The following ANO2 variants were observed in gnomAD, a reference collection of about 807,000 sequenced individuals.
ANO2 encodes anoctamin-2.
In ANO2, 101 loss-of-function variants were observed where a neutral mutation model predicts 124.2. The observed-to-expected ratio is 0.81, with a 90% confidence interval of 0.69 to 0.96. ANO2 has a LOEUF of 0.96. Ranked by LOEUF, ANO2 falls within the 40% of genes least tolerant of loss-of-function variation. The pLI, the probability that ANO2 is intolerant of heterozygous loss-of-function variation, is 0.00. For missense variants in ANO2, 1,293 were observed against 1,274.5 expected (o/e 1.01, Z -0.22); for synonymous variants, 486 against 482.5 (o/e 1.01, Z -0.09).
chr12:5,870,563 A>G (rs1451740148), intron 3 of ANO2: 1 of 152,230 alleles, frequency 6.6e-6, no homozygotes, highest in Non-Finnish European at 1.5e-5. Flanking sequence ...TCTACTGCAA[A>G]TGTACTTTGA....
intron 13 of ANO2, among the ~76,000 whole-genome samples, chr12:5,738,965 G>A (rs1950983638): frequency 6.6e-6 from 1 of 152,152 alleles, no homozygotes; most frequent in Non-Finnish European, 1.5e-5. Context: ...GGCCCCCAGG[G>A]CATTCTGACA....
intron 3 of ANO2, among the ~76,000 whole-genome samples, chr12:5,860,993 T>C (rs530564454): frequency 1.3e-5 from 2 of 152,320 alleles, no homozygotes; most frequent in East Asian, 1.9e-4. Context: ...ACTGCCATGA[T>C]GCTAGTCAAC....
At chr12:5,826,212 C>A (rs1003688129) in intron 7 of ANO2, among the ~76,000 whole-genome samples, 3 of 151,964 alleles carry the variant, frequency 2.0e-5, no homozygotes, top group Non-Finnish European at 4.4e-5. Flanking sequence ...AGTTGTATTA[C>A]GTTAGGTGTA....
intron 13 of ANO2, among the ~76,000 whole-genome samples, chr12:5,736,173 GGGGGGTGGGCCGTT>G (rs1195011729): frequency 2.6e-5 from 4 of 152,354 alleles, no homozygotes; most frequent in Non-Finnish European, 5.9e-5. Context: ...CACTGGCCCA[GGGGGGTGGGCCGTT>G]GGGCTTGGTT....
intron 3 of ANO2, among the ~76,000 whole-genome samples, chr12:5,873,198 T>G (rs1366436959): frequency 4.0e-5 from 1 of 25,278 alleles, no homozygotes; most frequent in Admixed American, 3.3e-4. Flanking sequence ...CTAAAGCAGC[T>G]CTCTCTCTCT....
At chr12:5,815,137 T>C (rs1953563025) in intron 7 of ANO2, among the ~76,000 whole-genome samples, 1 of 152,218 alleles carries the variant, frequency 6.6e-6, no homozygotes, top group African/African-American at 2.4e-5. Context: ...AATGAGCAGC[T>C]AAAATAGATC....
chr12:5,705,820 C>T (rs1445908814), intron 14 of ANO2, among the ~76,000 whole-genome samples: 1 of 152,194 alleles, frequency 6.6e-6, no homozygotes, highest in Non-Finnish European at 1.5e-5. Flanking sequence ...TCTCCTCTAC[C>T]CAGCTTCAAA....
At chr12:5,663,476 A>G (rs1039782343) in intron 14 of ANO2, among the ~76,000 whole-genome samples, 6 of 152,172 alleles carry the variant, frequency 3.9e-5, no homozygotes, top group African/African-American at 1.4e-4. Flanking sequence ...CAGTATGTGC[A>G]GGTCTTAGCA....
chr12:5,582,472 C>T (rs939158900), intron 20 of ANO2, among the ~76,000 whole-genome samples: 2 of 152,124 alleles, frequency 1.3e-5, no homozygotes, highest in African/African-American at 4.8e-5. Flanking sequence ...TTAAACTAAC[C>T]AAGACAATAT....
chr12:5,695,639 G>A lies in ANO2; in HGVS notation c.1545+36881C>T, dbSNP rs533723514. Among the ~76,000 whole-genome samples, 499 of 152,268 alleles carry A rather than the reference G, an allele frequency of 3.3e-3. 1 individual carries two copies. Among genetic ancestry groups the A allele is most frequent in the African/African-American group, 0.011 (470 of 41,558 alleles). ...GCAGATCACCTGAGGTCAGGAGTTC[G>A]AAACCAGCCTGGCCTACATGGCAAA... On this transcript the variant is annotated intron_variant, in intron 14 of 24. Coordinates refer to ENST00000682330, the MANE Select transcript of ANO2 (RefSeq NM_001364791.2).
intron 3 of ANO2, among the ~76,000 whole-genome samples, chr12:5,887,607 A>C (rs551338055): frequency 5.1e-4 from 78 of 152,352 alleles, no homozygotes; most frequent in Admixed American, 1.5e-3. Flanking sequence ...TCATCCAACT[A>C]ATGTTTTCAG....
chr12:5,668,574 G>C (rs1241782678), intron 14 of ANO2, among the ~76,000 whole-genome samples: 1 of 151,982 alleles, frequency 6.6e-6, no homozygotes, highest in African/African-American at 2.4e-5. Context: ...GTCAATTTTC[G>C]CTTTTGTTGA....
At chr12:5,620,586 T>C (rs1442362170) in intron 16 of ANO2, among the ~76,000 whole-genome samples, 1 of 152,004 alleles carries the variant, frequency 6.6e-6, no homozygotes, top group African/African-American at 2.4e-5. Context: ...AGGAGTTGAA[T>C]TGGAATTCTA....
In ANO2 at chr12:5,847,445, C is replaced by CTGTGTGTG. The variant is rs35366359; in HGVS notation, c.633+6590_633+6597dup. Among the ~76,000 whole-genome samples, 1,117 of 144,768 alleles carry CTGTGTGTG rather than the reference C, an allele frequency of 7.7e-3. 13 individuals carry two copies. The highest frequency in any genetic ancestry group is 0.033 in the South Asian group (146 of 4,410). 95.0% of individuals were successfully genotyped at this position (144,768 alleles called of 152,430 possible). On this transcript the variant is annotated intron_variant, in intron 4 of 24. Coordinates refer to ENST00000682330, the MANE Select transcript of ANO2 (RefSeq NM_001364791.2). Reference sequence around the variant, plus strand: ...TATTAATCAATTCCTCATAACACCTCTGTGTGTGTGTGTGTGTGTGTGTGT... The same window carrying CTGTGTGTG: ...TATTAATCAATTCCTCATAACACCTCTGTGTGTGTGTGTGTGTGTGTGTGTGTGTGTGT...
At chr12:5,739,964 T>C (rs923672165) in intron 12 of ANO2, 1 of 455,966 alleles carries the variant, frequency 2.2e-6, no homozygotes, top group African/African-American at 2.0e-5. Flanking sequence ...TAGAATAATC[T>C]CTGTAAAGTA....
rs373395051 is a variant in ANO2 at position 5,615,264 on chromosome 12, C to T, written c.1850G>A (p.Arg617His). The T allele has an allele frequency of 1.7e-5, 27 of 1,613,402 alleles. No individual in the cohort carries two copies. Among genetic ancestry groups the T allele is most frequent in the Middle Eastern group, 1.6e-4 (1 of 6,084 alleles). Reference protein sequence around the residue: ...VPKTEQTFEERLILKAFLLKF... With the variant: ...VPKTEQTFEEHLILKAFLLKF... ...GAGCAAGAAAGCTTTGAGGATCAGG[C>T]GCTCTTCAAAAGTCTGTTCTGTTTT... Residue 617 changes from arginine to histidine, a missense_variant, in exon 17 of 25, where the codon CGC (arginine) becomes CAC (histidine). By Grantham distance (29) the Arg-to-His change is conservative. Coordinates refer to ENST00000682330, the MANE Select transcript of ANO2 (RefSeq NM_001364791.2).
At chr12:5,870,636 A>G (rs1955549298) in intron 3 of ANO2, among the ~76,000 whole-genome samples, 1 of 152,250 alleles carries the variant, frequency 6.6e-6, no homozygotes, top group Non-Finnish European at 1.5e-5. Flanking sequence ...AGAGTCACAG[A>G]GATTTCCACC....
rs138113754 is a variant in ANO2, at chr12:5,631,920, G to A, written c.1816+3232C>T. 2.1e-3 allele frequency among the ~76,000 whole-genome samples: 313 copies of A among 152,256 alleles called. 1 individual carries two copies. The highest frequency in any genetic ancestry group is 6.7e-3 in the African/African-American group (280 of 41,548). On this transcript the variant is annotated intron_variant, in intron 16 of 24. Transcript: ENST00000682330. Reference sequence around the variant, plus strand: ...AGCAATGTCCCCAAACCCACTGTTCGGGAAAGGTTGGCTGGATGGGGATTT... The same window carrying A: ...AGCAATGTCCCCAAACCCACTGTTCAGGAAAGGTTGGCTGGATGGGGATTT...
chr12:5,877,284 C>T (rs1938171492), intron 3 of ANO2, among the ~76,000 whole-genome samples: 1 of 152,156 alleles, frequency 6.6e-6, no homozygotes. Flanking sequence ...GAGTGAAGGA[C>T]TGCCAGTAGC....
Sources: gnomAD v4.1 joint callset for allele counts (sites outside exome capture counted in the v4.1 genomes callset) on GRCh38, gnomAD v4.1.1 for gene constraint, MANE v1.5 for transcripts, NCBI Gene and HGNC (gene_info 2026-07-23, HGNC 2026-07-21) for gene names.